The following GPHN variants were observed in gnomAD, a reference collection of about 807,000 sequenced individuals.
GPHN encodes the protein gephyrin.
In GPHN, 17 loss-of-function variants were observed where a neutral mutation model predicts 95.5. The ratio of observed to expected loss-of-function variants is 0.18; its 90% CI spans 0.12 to 0.27. The LOEUF is 0.27. Ranked by LOEUF, GPHN falls within the 10% of genes least tolerant of loss-of-function variation. GPHN has a pLI of 1.00. For synonymous variants in GPHN, 320 were observed against 322.5 expected (o/e 0.99, Z 0.08); for missense variants, 660 against 978.1 (o/e 0.67, Z 4.34).
At chr14:67,192,290 G>A in the GPHN span, among the ~76,000 whole-genome samples, 13 of 152,140 alleles carry the variant, frequency 8.5e-5, no homozygotes, top group Non-Finnish European at 1.8e-4. Context: ...TCTGTGCCAT[G>A]GAGCTAGCTC....
chr14:67,387,769 T>C, the GPHN span, among the ~76,000 whole-genome samples: 4 of 152,314 alleles, frequency 2.6e-5, no homozygotes, highest in Middle Eastern at 3.4e-3. Flanking sequence ...GAATCCAGTA[T>C]GTTTATGTTA....
At chr14:66,794,283 G>A (rs544597295) in intron 3 of GPHN, among the ~76,000 whole-genome samples, 163 of 152,208 alleles carry the variant, frequency 1.1e-3, no homozygotes, top group Non-Finnish European at 2.0e-3. Context: ...GTCTGAAAGT[G>A]TGTAGCCCCT....
At chr14:67,506,938 C>A in the GPHN span, among the ~76,000 whole-genome samples, 2 of 152,022 alleles carry the variant, frequency 1.3e-5, no homozygotes, top group African/African-American at 4.8e-5. Flanking sequence ...GAGCTGAGAT[C>A]GTGCCACTGC....
chr14:67,375,605 T>C, the GPHN span, among the ~76,000 whole-genome samples: 1 of 152,182 alleles, frequency 6.6e-6, no homozygotes. Context: ...AATAAAGGTC[T>C]AAAAGCCATC....
intron 5 of GPHN, among the ~76,000 whole-genome samples, chr14:66,899,762 A>C (rs1159754482): frequency 6.6e-6 from 1 of 151,858 alleles, no homozygotes; most frequent in Non-Finnish European, 1.5e-5. Context: ...TTTGGTATCA[A>C]GTTAATACTG....
intron 4 of GPHN, among the ~76,000 whole-genome samples, chr14:66,877,921 A>G (rs2063743750): frequency 6.6e-6 from 1 of 152,210 alleles, no homozygotes. Flanking sequence ...AGCCAAGACA[A>G]TCCTAAGCAA....
chr14:67,686,540 G>A, the GPHN span, among the ~76,000 whole-genome samples: 1 of 151,002 alleles, frequency 6.6e-6, no homozygotes, highest in Non-Finnish European at 1.5e-5. Flanking sequence ...TTGGGAGGCT[G>A]AGGCAGGAGA....
the GPHN span, among the ~76,000 whole-genome samples, chr14:67,256,797 G>GACAC: frequency 0.014 from 2,075 of 147,768 alleles, 51 homozygotes; most frequent in South Asian, 0.045. Context: ...AGAAACTATT[G>GACAC]ACACACACAC....
intron 1 of GPHN, among the ~76,000 whole-genome samples, chr14:66,624,308 T>C (rs963791213): frequency 6.6e-6 from 1 of 152,226 alleles, no homozygotes; most frequent in Non-Finnish European, 1.5e-5. Flanking sequence ...CCTTGACATG[T>C]GCCTGTGAGA....
At chr14:67,370,448 A>T in the GPHN span, among the ~76,000 whole-genome samples, 1 of 152,240 alleles carries the variant, frequency 6.6e-6, no homozygotes. Flanking sequence ...TTTAAAAAAG[A>T]GCAAAATTGA....
the GPHN span, chr14:67,674,652 G>GGAACGCCCACCTTCTCCAGCCA: frequency 2.0e-6 from 1 of 512,712 alleles, no homozygotes. Context: ...CTCTCGAGCC[G>GGAACGCCCACCTTCTCCAGCCA]GAACGCCCAC....
At chr14:67,129,030 T>C (rs965327928) in intron 17 of GPHN, among the ~76,000 whole-genome samples, 2 of 151,340 alleles carry the variant, frequency 1.3e-5, no homozygotes, top group African/African-American at 2.4e-5. Flanking sequence ...GTCAGGCTGG[T>C]CTCAAACTCC....
the GPHN span, chr14:67,647,239 T>C: frequency 2.2e-6 from 1 of 452,828 alleles, no homozygotes; most frequent in Non-Finnish European, 3.9e-6. Flanking sequence ...CTAGATCTTC[T>C]GTCTCATGAA....
the GPHN span, chr14:67,381,546 A>G: frequency 6.8e-7 from 1 of 1,467,576 alleles, no homozygotes; most frequent in East Asian, 2.3e-5. Context: ...TAAACTTTTA[A>G]ATATTTTTTG....
chr14:66,516,914 G>A (rs946797571), intron 1 of GPHN, among the ~76,000 whole-genome samples: 3 of 151,960 alleles, frequency 2.0e-5, no homozygotes, highest in Non-Finnish European at 4.4e-5. Flanking sequence ...GGCAGATCAC[G>A]AAGTCAGGAG....
At chr14:66,963,378 A>T (rs2069093165) in intron 8 of GPHN, among the ~76,000 whole-genome samples, 3 of 152,072 alleles carry the variant, frequency 2.0e-5, no homozygotes. Flanking sequence ...CAGAGACATT[A>T]TTCGTGCAGT....
the GPHN span, among the ~76,000 whole-genome samples, chr14:67,407,751 C>A: frequency 2.6e-5 from 4 of 152,140 alleles, no homozygotes; most frequent in Non-Finnish European, 5.9e-5. Flanking sequence ...AGACCCCTAA[C>A]TTTAAAGATA....
chr14:67,651,081 A>C, the GPHN span: 1 of 954,770 alleles, frequency 1.0e-6, no homozygotes, highest in Non-Finnish European at 1.5e-6. Flanking sequence ...TTGGTGACCA[A>C]TACTACTGTA....
chr14:66,583,595 T>C (rs1487031706), intron 1 of GPHN, among the ~76,000 whole-genome samples: 1 of 152,174 alleles, frequency 6.6e-6, no homozygotes, highest in Non-Finnish European at 1.5e-5. Context: ...GTTTCAGCTT[T>C]CTCCATATGG....
Sources: gnomAD v4.1 joint callset for allele counts (sites outside exome capture counted in the v4.1 genomes callset) on GRCh38, gnomAD v4.1.1 for gene constraint, MANE v1.5 for transcripts, NCBI Gene and HGNC (gene_info 2026-07-23, HGNC 2026-07-21) for gene names.